Variants in MRPS5 observed in about 807,000 individuals in gnomAD.
The protein encoded by MRPS5 is mitochondrial ribosomal protein S5, also known as small ribosomal subunit protein uS5m.
MRPS5 carries 27 observed loss-of-function variants against 51.9 expected under a neutral mutation model. The ratio of observed to expected loss-of-function variants is 0.52; its 90% CI spans 0.38 to 0.72. MRPS5 has a LOEUF of 0.72. MRPS5 is among the 30% of genes least tolerant of loss of function. MRPS5 has a pLI of 0.00. For synonymous variants in MRPS5, 196 were observed against 193.2 expected, an observed-to-expected ratio of 1.01 and a Z score of -0.12; for missense variants, 570 against 545.7, an observed-to-expected ratio of 1.04 and a Z score of -0.44.
At position 95,087,317 on chromosome 2, in the gene MRPS5, G is replaced by T; in HGVS notation, c.*40C>A. The stretch of plus-strand genomic sequence containing the variant: ...GTGAGGGGCTGAGTCTCTCCTAGGT[G>T]CAGGGCAGCACAGGAACTGGCTGCA... On this transcript the variant is annotated 3_prime_UTR_variant, in exon 12 of 12. Coordinates refer to ENST00000272418, the MANE Select transcript of MRPS5 (RefSeq NM_031902.5). The T allele has an allele frequency of 6.5e-7, 1 of 1,533,680 alleles. No homozygotes were observed. The highest frequency in any genetic ancestry group is 9.0e-7 in the Non-Finnish European group (1 of 1,107,948).
At chr2:95,096,587 C>T (rs186580971) in intron 10 of MRPS5, among the ~76,000 whole-genome samples, 1 of 152,252 alleles carries the variant, frequency 6.6e-6, no homozygotes, top group East Asian at 1.9e-4. Context: ...AATGTCAAAA[C>T]CACATGATTA....
intron 3 of MRPS5, among the ~76,000 whole-genome samples, chr2:95,112,818 C>A (rs1676162490): frequency 6.6e-6 from 1 of 151,880 alleles, no homozygotes; most frequent in East Asian, 2.0e-4. Context: ...TCCTGGCTAA[C>A]AAGGTGAAAC....
chr2:95,098,675 T>G (rs1360678284), intron 10 of MRPS5, among the ~76,000 whole-genome samples: 1 of 151,792 alleles, frequency 6.6e-6, no homozygotes, highest in Non-Finnish European at 1.5e-5. Context: ...CATCACACAC[T>G]GGGGCCTGTG....
intron 4 of MRPS5, 95 bp from the exon 5 acceptor site, chr2:95,108,503 C>T (rs1183779784): frequency 2.0e-6 from 2 of 980,210 alleles, no homozygotes; most frequent in East Asian, 2.6e-5. Flanking sequence ...AATGATGACA[C>T]ACTGTTCACT....
intron 11 of MRPS5, among the ~76,000 whole-genome samples, chr2:95,088,982 G>A (rs1161051493): frequency 3.3e-5 from 5 of 152,116 alleles, no homozygotes; most frequent in African/African-American, 9.7e-5. Context: ...CAGGAGAATC[G>A]CTTGAACCCG....
At chr2:95,106,758 C>G (rs922603857) in intron 5 of MRPS5, 2 of 448,568 alleles carry the variant, frequency 4.5e-6, no homozygotes, top group Non-Finnish European at 8.2e-6. Context: ...CTCCCTCTCA[C>G]GGCCTCTCCC....
At position 95,119,434 on chromosome 2, in the gene MRPS5, A is replaced by G. The variant is rs548330663; in HGVS notation, c.59-1489T>C. ...AAACCAGCCTGGTCAACATTGCGAG[A>G]CCCTGTCTCTACAAATTTTTTTCTT... On this transcript the variant is annotated intron_variant, in intron 1 of 11. Transcript: ENST00000272418. Among the ~76,000 whole-genome samples, 17 of 152,012 alleles carry G rather than the reference A, an allele frequency of 1.1e-4. 1 individual carries two copies. In the South Asian group the frequency reaches 3.5e-3, roughly 32 times the overall value.
intron 3 of MRPS5, among the ~76,000 whole-genome samples, chr2:95,112,103 C>T (rs1053666140): frequency 6.6e-6 from 1 of 151,950 alleles, no homozygotes; most frequent in Non-Finnish European, 1.5e-5. Context: ...TCACTCTTGT[C>T]GCCCCAGATG....
chr2:95,105,002 C>A (rs1020620251), intron 6 of MRPS5, among the ~76,000 whole-genome samples: 6 of 152,182 alleles, frequency 3.9e-5, no homozygotes, highest in African/African-American at 1.4e-4. Context: ...TGACATTATA[C>A]ATCTCGATAT....
intron 1 of MRPS5, among the ~76,000 whole-genome samples, chr2:95,121,253 C>T (rs1227357556): frequency 1.3e-5 from 2 of 152,216 alleles, no homozygotes; most frequent in East Asian, 3.9e-4. Context: ...TACACATATT[C>T]GGGCTCTAGG....
rs1385989057 is a variant in MRPS5 at position 95,112,926 on chromosome 2, AC to A, written c.277+2139del. On this transcript the variant is annotated intron_variant, in intron 3 of 11. Coordinates refer to ENST00000272418, the MANE Select transcript of MRPS5 (RefSeq NM_031902.5). ...AGGCTGAGGCGGGAGAATGGCATAAACCCAGGAGGTGGAGCTTGCAGTGAGC... is the reference window on the plus strand; with the variant it reads ...AGGCTGAGGCGGGAGAATGGCATAAACCAGGAGGTGGAGCTTGCAGTGAGC... Among the ~76,000 whole-genome samples the A allele has an allele frequency of 1.3e-4, 20 of 151,702 alleles. No individual in the cohort carries two copies. The East Asian group carries it at 3.7e-3, about 28-fold the overall frequency.
At chr2:95,102,073 T>C (rs566423742) in intron 7 of MRPS5, 2 of 194,538 alleles carry the variant, frequency 1.0e-5, no homozygotes, top group Non-Finnish European at 2.1e-5. Flanking sequence ...GATGGGAGGA[T>C]TACTTGAGTT....
At chr2:95,118,699 T>C (rs559169058) in intron 1 of MRPS5, among the ~76,000 whole-genome samples, 4 of 152,322 alleles carry the variant, frequency 2.6e-5, no homozygotes, top group Middle Eastern at 3.4e-3. Flanking sequence ...TGACACAGCA[T>C]TTATGGGCAA....
Position 95,121,604 on chromosome 2 carries a change from T to TCACAC in MRPS5, c.58+129_58+130insGTGTG, listed in dbSNP as rs1558690042. 4.0e-6 allele frequency: 4 copies of TCACAC among 1,012,024 alleles called. No homozygotes were observed. In the African/African-American group the frequency reaches 6.8e-5, roughly 17 times the overall value. The allele number at this position is 1,012,024 out of a possible 1,614,324, so 62.7% of individuals were successfully genotyped here. Reference sequence around the variant, plus strand: ...GTCACACAGCGGCTCCGGCGGAAGGTGGGGGCACGGCGTGAAGAGCCGGGG... The same window carrying TCACAC: ...GTCACACAGCGGCTCCGGCGGAAGGTCACACGGGGGCACGGCGTGAAGAGCCGGGG... On this transcript the variant is annotated intron_variant, in intron 1 of 11. Transcript: ENST00000272418.
chr2:95,094,846 C>T (rs998950452), intron 10 of MRPS5, among the ~76,000 whole-genome samples: 1 of 152,210 alleles, frequency 6.6e-6, no homozygotes, highest in Non-Finnish European at 1.5e-5. Flanking sequence ...AATCAGTTAA[C>T]ATCATAATGA....
chr2:95,094,240 G>A (rs1269093851), intron 10 of MRPS5, among the ~76,000 whole-genome samples: 1 of 152,186 alleles, frequency 6.6e-6, no homozygotes, highest in Non-Finnish European at 1.5e-5. Flanking sequence ...TATGTGAAAA[G>A]ACCAAATCTA....
chr2:95,100,808 T>TA (rs373760483), intron 9 of MRPS5, 29 bp downstream of exon 9: 44,592 of 1,179,984 alleles, frequency 0.038, 3 homozygotes, highest in Non-Finnish European at 0.042. Context: ...TCCTGCAAAT[T>TA]AAAAAAAAAA....
chr2:95,112,771 G>T (rs1480850965), intron 3 of MRPS5, among the ~76,000 whole-genome samples: 1 of 152,138 alleles, frequency 6.6e-6, no homozygotes, highest in Admixed American at 6.5e-5. Flanking sequence ...TTGGGAGGCT[G>T]AGACAGGCGG....
At position 95,097,402 on chromosome 2, in the gene MRPS5, G is replaced by A. The variant is rs561715253; in HGVS notation, c.931+3072C>T. Among the ~76,000 whole-genome samples, 18 of 152,248 alleles carry A rather than the reference G, an allele frequency of 1.2e-4. No homozygotes were observed. In the South Asian group the frequency reaches 3.7e-3, roughly 32 times the overall value. ...GCCCGCATTGCCAAGACAATCCTAA[G>A]CCAAAAGAACAAAGCTGGAGGCATC... is the stretch of plus-strand genomic sequence containing the variant. On this transcript the variant is annotated intron_variant, in intron 10 of 11. Transcript: ENST00000272418.
Sources: gnomAD v4.1 joint callset for allele counts (sites outside exome capture counted in the v4.1 genomes callset) on GRCh38, gnomAD v4.1.1 for gene constraint, MANE v1.5 for transcripts, NCBI Gene and HGNC (gene_info 2026-07-23, HGNC 2026-07-21) for gene names.